Variants in CYP4Z1 observed in about 807,000 individuals in gnomAD.
CYP4Z1 encodes the protein cytochrome P450 4Z1.
CYP4Z1 carries 41 observed loss-of-function variants against 54.2 expected under a neutral mutation model. That is an observed-to-expected ratio of 0.76 (90% CI 0.59 to 0.98). CYP4Z1 has a LOEUF of 0.98. CYP4Z1 is among the 50% of genes least tolerant of loss of function. The pLI, the probability that CYP4Z1 is intolerant of heterozygous loss-of-function variation, is 0.00. For missense variants in CYP4Z1, 513 were observed against 599.0 expected (o/e 0.86, Z 1.50); for synonymous variants, 163 against 206.2 (o/e 0.79, Z 1.79).
intron 6 of CYP4Z1, among the ~76,000 whole-genome samples, chr1:47,090,024 C>T (rs1644627671): frequency 6.6e-6 from 1 of 152,238 alleles, no homozygotes; most frequent in Admixed American, 6.5e-5. Flanking sequence ...CCTCTTACAA[C>T]ATACTTAAAA....
At chr1:47,058,137 A>G in the CYP4Z1 span, among the ~76,000 whole-genome samples, 2,203 of 152,192 alleles carry the variant, frequency 0.014, 51 homozygotes, top group African/African-American at 0.05. Context: ...TCATCTCCTG[A>G]ATCAGGGCAT....
At chr1:47,102,342 A>G (rs1644727543) in intron 8 of CYP4Z1, among the ~76,000 whole-genome samples, 1 of 152,072 alleles carries the variant, frequency 6.6e-6, no homozygotes, top group South Asian at 2.1e-4. Flanking sequence ...TCTTTCTCCC[A>G]TCATTTAGCA....
At position 47,076,713 on chromosome 1, in the gene CYP4Z1, C is replaced by T. The variant is rs376672617; in HGVS notation, c.320-3910C>T. Among the ~76,000 whole-genome samples, 183 of 150,664 alleles carry T rather than the reference C, an allele frequency of 1.2e-3. 1 individual carries two copies. Among genetic ancestry groups the T allele is most frequent in the African/African-American group, 4.1e-3 (170 of 41,000 alleles). On this transcript the variant is annotated intron_variant, in intron 2 of 11. Coordinates refer to ENST00000334194, the MANE Select transcript of CYP4Z1 (RefSeq NM_178134.3). ...ACAAAAAATTAGCCGGGAGCGGTGG[C>T]GGGCTCCTGTAGTCCCAGCTACTTG...
chr1:47,117,711 T>A, intron 11 of CYP4Z1, 55 bp from the exon 12 acceptor site: 1 of 1,544,716 alleles, frequency 6.5e-7, no homozygotes. Context: ...TGGCGTATGT[T>A]GTTAATAATA....
Position 47,099,200 on chromosome 1 carries a change from A to G in CYP4Z1, c.983A>G (p.Tyr328Cys). ...TCCAGTGCTATCTCCTGGATCCTTT[A>G]CTGCTTGGCAAAGTACCCTGAGCAT... ...TTSSAISWIL[Y>C]CLAKYPEHQQ... Residue 328 changes from tyrosine to cysteine, a missense_variant, in exon 8 of 12, where the codon TAC becomes TGC. Transcript: ENST00000334194. 6.2e-7 allele frequency: 1 copy of G among 1,613,972 alleles called. No homozygotes were observed. Among genetic ancestry groups the G allele is most frequent in the Non-Finnish European group, 8.5e-7 (1 of 1,179,972 alleles).
chr1:47,076,568 G>A lies in CYP4Z1; in HGVS notation c.320-4055G>A, dbSNP rs546139664. ...GTTGTTTAAGAATGTCTTGTTGGCC[G>A]GGCATGGTGGCTCACGCCTGTAATC... On this transcript the variant is annotated intron_variant, in intron 2 of 11. Coordinates refer to ENST00000334194, the MANE Select transcript of CYP4Z1 (RefSeq NM_178134.3). Among the ~76,000 whole-genome samples the A allele has an allele frequency of 4.6e-5, 7 of 152,022 alleles. No homozygotes were observed. In the South Asian group the frequency reaches 8.4e-4, roughly 18 times the overall value.
chr1:47,057,479 A>AT, the CYP4Z1 span, among the ~76,000 whole-genome samples: 442 of 120,360 alleles, frequency 3.7e-3, 7 homozygotes, highest in South Asian at 0.018. Context: ...GACTTGGTTA[A>AT]TTTTTTTTTT....
At chr1:47,096,234 A>G (rs1644675762) in intron 7 of CYP4Z1, among the ~76,000 whole-genome samples, 1 of 152,192 alleles carries the variant, frequency 6.6e-6, no homozygotes, top group Non-Finnish European at 1.5e-5. Flanking sequence ...CCTGGGCAAC[A>G]TAGCAAGACC....
chr1:47,075,859 C>A (rs200124621), intron 2 of CYP4Z1: 43,952 of 142,594 alleles, frequency 0.31, 3,336 homozygotes, highest in East Asian at 0.6. Flanking sequence ...TCCTCCCACA[C>A]TAGTCTTGTC....
chr1:47,104,445 G>T (rs1644742772), intron 8 of CYP4Z1, among the ~76,000 whole-genome samples: 2 of 152,204 alleles, frequency 1.3e-5, no homozygotes, highest in African/African-American at 4.8e-5. Flanking sequence ...GCTTGCCTGG[G>T]TTCTGGAAAT....
intron 8 of CYP4Z1, among the ~76,000 whole-genome samples, chr1:47,102,285 C>T (rs1455944895): frequency 6.6e-6 from 1 of 152,138 alleles, no homozygotes; most frequent in Non-Finnish European, 1.5e-5. Context: ...ATATTCCTGT[C>T]ATTTTATTAA....
chr1:47,066,746 C>T (rs539473187), upstream of CYP4Z1, among the ~76,000 whole-genome samples: 62 of 152,094 alleles, frequency 4.1e-4, 2 homozygotes, highest in South Asian at 0.012. Flanking sequence ...ATGATATGAT[C>T]GTATACCTAG....
intron 8 of CYP4Z1, among the ~76,000 whole-genome samples, chr1:47,105,918 CG>C (rs10567873): frequency 0.017 from 2,560 of 150,436 alleles, 57 homozygotes; most frequent in African/African-American, 0.048. Context: ...CCTATATCTG[CG>C]GGGGGGGGAG....
At chr1:47,103,595 C>CTTTTTTTTTTTTTTTTTTTTTTTTTTT (rs373166937) in intron 8 of CYP4Z1, among the ~76,000 whole-genome samples, 13 of 96,022 alleles carry the variant, frequency 1.4e-4, no homozygotes, top group Non-Finnish European at 1.6e-4. Context: ...TCTTTTTTTT[C>CTTTTTTTTTTTTTTTTTTTTTTTTTTT]TTTTTTTTTT....
At chr1:47,067,827 A>G (rs1365850940) in intron 1 of CYP4Z1, among the ~76,000 whole-genome samples, 160 bp downstream of exon 1, 2 of 152,226 alleles carry the variant, frequency 1.3e-5, no homozygotes, top group Non-Finnish European at 2.9e-5. Context: ...GAGGAAAGAT[A>G]TTGTTATTCC....
At chr1:47,110,462 T>C (rs12566853) in intron 9 of CYP4Z1, among the ~76,000 whole-genome samples, 50,801 of 132,302 alleles carry the variant, frequency 0.38, 11,186 homozygotes, top group East Asian at 0.96. Flanking sequence ...GAGGCTGAGG[T>C]GGGAGGATCA....
At chr1:47,094,224 A>G (rs1644659793) in intron 6 of CYP4Z1, among the ~76,000 whole-genome samples, 1 of 152,202 alleles carries the variant, frequency 6.6e-6, no homozygotes, top group Admixed American at 6.5e-5. Context: ...AGCGATTGGT[A>G]ACAGTACCCT....
At chr1:47,062,887 G>T (rs374549310), upstream of CYP4Z1, among the ~76,000 whole-genome samples, 1 of 152,166 alleles carries the variant, frequency 6.6e-6, no homozygotes, top group Non-Finnish European at 1.5e-5. Flanking sequence ...GACCACAGCT[G>T]ATGCACTCTT....
upstream of CYP4Z1, among the ~76,000 whole-genome samples, chr1:47,064,127 C>T (rs1353112312): frequency 2.7e-5 from 4 of 146,624 alleles, no homozygotes; most frequent in African/African-American, 5.1e-5. Flanking sequence ...CTGTTGCCCA[C>T]ACTGGAGTGC....
Sources: gnomAD v4.1 joint callset for allele counts (sites outside exome capture counted in the v4.1 genomes callset) on GRCh38, gnomAD v4.1.1 for gene constraint, MANE v1.5 for transcripts, NCBI Gene and HGNC (gene_info 2026-07-23, HGNC 2026-07-21) for gene names.